Variants in NTRK3 observed in about 807,000 individuals in gnomAD.
NTRK3 encodes the protein NT-3 growth factor receptor.
NTRK3 carries 24 observed loss-of-function variants against 91.7 expected under a neutral mutation model. That is an observed-to-expected ratio of 0.26 (90% CI 0.19 to 0.37). NTRK3 has a LOEUF of 0.37. Among genes scored for constraint, NTRK3 ranks in the 10% least tolerant of loss-of-function variants. NTRK3 has a pLI of 1.00. For synonymous variants in NTRK3, 483 were observed against 404.0 expected, an observed-to-expected ratio of 1.20 and a Z score of -2.34; for missense variants, 880 against 1,068.9, an observed-to-expected ratio of 0.82 and a Z score of 2.46.
intron 14 of NTRK3, chr15:87,978,970 T>C: frequency 5.5e-6 from 2 of 366,080 alleles, no homozygotes; most frequent in South Asian, 7.8e-5. Context: ...GGAGCACGGC[T>C]GGACTTCATC....
intron 3 of NTRK3, among the ~76,000 whole-genome samples, chr15:88,244,221 G>A (rs2052626890): frequency 6.6e-6 from 1 of 152,154 alleles, no homozygotes; most frequent in Non-Finnish European, 1.5e-5. Flanking sequence ...AGAGATAGAT[G>A]GCCAACCATG....
chr15:87,913,165 G>A (rs1436285227), intron 17 of NTRK3, among the ~76,000 whole-genome samples: 3 of 151,712 alleles, frequency 2.0e-5, no homozygotes, highest in Admixed American at 1.3e-4. Flanking sequence ...CTATTTAGTT[G>A]AAATGTGAGG....
chr15:88,250,527 G>A (rs997359965), intron 3 of NTRK3, among the ~76,000 whole-genome samples: 3 of 152,208 alleles, frequency 2.0e-5, no homozygotes, highest in African/African-American at 7.2e-5. Context: ...TTTCATAAGA[G>A]CTGGCCTGGC....
chr15:88,149,903 G>C (rs959579914), intron 5 of NTRK3, among the ~76,000 whole-genome samples: 1 of 152,126 alleles, frequency 6.6e-6, no homozygotes, highest in Non-Finnish European at 1.5e-5. Context: ...GCTCTATTTT[G>C]CCTGGTTTAC....
At chr15:87,914,389 C>A (rs1374171095) in intron 17 of NTRK3, among the ~76,000 whole-genome samples, 1 of 152,138 alleles carries the variant, frequency 6.6e-6, no homozygotes, top group Admixed American at 6.5e-5. Context: ...TTGGTGATAC[C>A]AGTGCATCTT....
intron 13 of NTRK3, among the ~76,000 whole-genome samples, chr15:88,054,305 C>T (rs747309576): frequency 2.0e-5 from 3 of 152,194 alleles, no homozygotes; most frequent in South Asian, 2.1e-4. Context: ...TCTACTGACC[C>T]AGTTCACAGC....
intron 8 of NTRK3, among the ~76,000 whole-genome samples, 154 bp from the exon 9 acceptor site, chr15:88,136,194 C>T (rs184660280): frequency 8.9e-4 from 136 of 152,368 alleles, no homozygotes; most frequent in African/African-American, 3.1e-3. Flanking sequence ...TGCCAGGCTC[C>T]TCATAGGCAA....
chr15:88,026,437 TATAGA>T (rs1371974410), intron 14 of NTRK3, among the ~76,000 whole-genome samples: 5 of 152,008 alleles, frequency 3.3e-5, no homozygotes, highest in Non-Finnish European at 7.4e-5. Context: ...AAGACAACAC[TATAGA>T]GACAGTAGAA....
At chr15:87,925,501 G>A in intron 17 of NTRK3, 1 of 202,512 alleles carries the variant, frequency 4.9e-6, no homozygotes, top group Non-Finnish European at 1.0e-5. Context: ...GTGGTGTTAG[G>A]CATAAGAAGC....
At chr15:88,173,713 A>G (rs954634277) in intron 5 of NTRK3, among the ~76,000 whole-genome samples, 1 of 152,176 alleles carries the variant, frequency 6.6e-6, no homozygotes, top group Non-Finnish European at 1.5e-5. Context: ...GCTGCTCTGA[A>G]GCCTACTGCC....
chr15:87,912,941 T>TATATATATATATATAA (rs2067197952), intron 17 of NTRK3, among the ~76,000 whole-genome samples: 1 of 29,770 alleles, frequency 3.4e-5, no homozygotes, highest in Non-Finnish European at 5.3e-5. Context: ...AATATATATA[T>TATATATATATATATAA]ATATATATAT....
At chr15:88,067,042 C>T (rs892074911) in intron 13 of NTRK3, among the ~76,000 whole-genome samples, 6 of 152,188 alleles carry the variant, frequency 3.9e-5, no homozygotes, top group African/African-American at 1.4e-4. Flanking sequence ...CCACTCCAGC[C>T]CTACTGACAC....
At chr15:87,989,081 G>A (rs2075081926) in intron 14 of NTRK3, among the ~76,000 whole-genome samples, 1 of 152,076 alleles carries the variant, frequency 6.6e-6, no homozygotes. Context: ...CAACCATTGT[G>A]GAAGACAGTG....
rs370759206 is a variant in NTRK3, at chr15:88,033,069, G to A, written c.1397-24C>T. On this transcript the variant is annotated intron_variant, in intron 13 of 18. Coordinates refer to ENST00000394480, the Ensembl canonical transcript of NTRK3. ...ACCTGCACACACCAAGAGAGACGCA[G>A]GACCTGGTGACGTCACATCCGGCCA... is the stretch of plus-strand genomic sequence containing the variant. 1.2e-4 allele frequency: 189 copies of A among 1,555,430 alleles called. 1 individual carries two copies. In the African/African-American group the frequency reaches 2.3e-3, roughly 19 times the overall value.
Position 88,234,157 on chromosome 15 carries a change from T to C in NTRK3, c.248+21749A>G, listed in dbSNP as rs994712892. On this transcript the variant is annotated intron_variant, in intron 3 of 18. Coordinates refer to ENST00000394480, the Ensembl canonical transcript of NTRK3. This position sits in a 1 kb window ranked among gnomAD's most constrained non-coding sequence, Gnocchi z 6.1. ...GCCTGGACCTTCAGTCAGGAGACGA[T>C]GGACAGCACCCTAGTCCAATCACAT... Among the ~76,000 whole-genome samples, 2 of 152,042 alleles carry C rather than the reference T, an allele frequency of 1.3e-5. No individual in the cohort carries two copies. The highest frequency in any genetic ancestry group is 1.3e-4 in the Admixed American group (2 of 15,282).
chr15:87,963,212 A>G (rs1232907869), intron 14 of NTRK3, among the ~76,000 whole-genome samples: 3 of 152,164 alleles, frequency 2.0e-5, no homozygotes, highest in Non-Finnish European at 4.4e-5. Context: ...CAGACATACT[A>G]TCTCTGATGA....
At chr15:87,985,703 G>T (rs926922626) in intron 14 of NTRK3, among the ~76,000 whole-genome samples, 2 of 152,146 alleles carry the variant, frequency 1.3e-5, no homozygotes, top group Admixed American at 6.5e-5. Context: ...AGCTCATGGC[G>T]TCATGCCCAC....
intron 17 of NTRK3, chr15:87,928,894 T>A (rs1158781290): frequency 5.2e-6 from 3 of 574,628 alleles, no homozygotes; most frequent in Non-Finnish European, 9.3e-6. Flanking sequence ...TGTATGAGTA[T>A]GTTTACATGA....
chr15:88,248,725 T>C (rs2053079713), intron 3 of NTRK3, among the ~76,000 whole-genome samples: 1 of 152,162 alleles, frequency 6.6e-6, no homozygotes, highest in African/African-American at 2.4e-5. Context: ...ATAGTACTTA[T>C]CTTATTGGGG....
Sources: gnomAD v4.1 joint callset for allele counts (sites outside exome capture counted in the v4.1 genomes callset) on GRCh38, gnomAD v4.1.1 for gene constraint, Gnocchi (gnomAD v3.1) non-coding constraint, MANE v1.5 for transcripts, NCBI Gene and HGNC (gene_info 2026-07-23, HGNC 2026-07-21) for gene names.